ADCY8: variants seen among roughly 807,000 people sequenced by gnomAD.
The protein encoded by ADCY8 is adenylate cyclase 8.
ADCY8 carries 51 observed loss-of-function variants against 119.7 expected under a neutral mutation model. That is an observed-to-expected ratio of 0.43 (90% confidence interval 0.34 to 0.54). The LOEUF is 0.54. Among genes scored for constraint, ADCY8 ranks in the 20% least tolerant of loss-of-function variants. ADCY8 has a pLI of 0.03. For synonymous variants in ADCY8, 665 were observed against 651.0 expected (o/e 1.02, Z -0.33); for missense variants, 1,383 against 1,598.8 (o/e 0.87, Z 2.30).
At chr8:130,978,990 C>T (rs867083980) in intron 2 of ADCY8, among the ~76,000 whole-genome samples, 1 of 152,020 alleles carries the variant, frequency 6.6e-6, no homozygotes, top group Non-Finnish European at 1.5e-5. Flanking sequence ...GTGCCTGAAG[C>T]CTGCTTAGAA....
Position 130,982,532 on chromosome 8 carries a change from G to C in ADCY8, c.1110+7861C>G, listed in dbSNP as rs934867176. The stretch of plus-strand genomic sequence containing the variant: ...AAAACACTCCTGTGGGTTAGGGAAG[G>C]AATTATCATTTCTAATTGAGAGATG... On this transcript the variant is annotated intron_variant, in intron 2 of 17. Coordinates refer to ENST00000286355, the MANE Select transcript of ADCY8 (RefSeq NM_001115.3). Among the ~76,000 whole-genome samples the C allele has an allele frequency of 2.6e-5, 4 of 152,118 alleles. No individual in the cohort carries two copies. The East Asian group carries it at 5.8e-4, about 22-fold the overall frequency.
chr8:130,832,817 A>G (rs1364979684), intron 12 of ADCY8, among the ~76,000 whole-genome samples: 2 of 152,240 alleles, frequency 1.3e-5, no homozygotes, highest in Non-Finnish European at 1.5e-5. Flanking sequence ...ATCAACATAT[A>G]TTGAGTACCT....
At chr8:130,782,135 GT>G (rs1211294379) in intron 17 of ADCY8, among the ~76,000 whole-genome samples, 1 of 152,150 alleles carries the variant, frequency 6.6e-6, no homozygotes, top group African/African-American at 2.4e-5. Flanking sequence ...AGAGAATATG[GT>G]GGGAATAGCC....
intron 9 of ADCY8, among the ~76,000 whole-genome samples, chr8:130,862,303 C>T (rs1817958882): frequency 6.6e-6 from 1 of 152,080 alleles, no homozygotes; most frequent in African/African-American, 2.4e-5. Flanking sequence ...TTTTAGATCT[C>T]TTTTCTTTTA....
chr8:131,025,070 C>T (rs535193381), intron 1 of ADCY8, among the ~76,000 whole-genome samples: 1 of 152,280 alleles, frequency 6.6e-6, no homozygotes, highest in African/African-American at 2.4e-5. Context: ...GAAGCCAAGA[C>T]AGGCTGAGTG....
intron 3 of ADCY8, among the ~76,000 whole-genome samples, chr8:130,946,671 C>G (rs1414690299): frequency 2.6e-5 from 4 of 152,196 alleles, no homozygotes; most frequent in African/African-American, 9.6e-5. Context: ...GAAGTCACCT[C>G]TGCATCCCAC....
chr8:130,881,093 C>T (rs899453991), intron 8 of ADCY8, among the ~76,000 whole-genome samples: 2 of 152,166 alleles, frequency 1.3e-5, no homozygotes, highest in Non-Finnish European at 2.9e-5. Flanking sequence ...CTTTTGTTCT[C>T]TGCTGAAACT....
intron 5 of ADCY8, among the ~76,000 whole-genome samples, chr8:130,912,477 G>A (rs1373683364): frequency 6.6e-6 from 1 of 152,108 alleles, no homozygotes; most frequent in African/African-American, 2.4e-5. Flanking sequence ...TCACAGCCTG[G>A]AGCATCCTGC....
intron 5 of ADCY8, among the ~76,000 whole-genome samples, chr8:130,921,275 G>A (rs1374095069): frequency 6.6e-6 from 1 of 151,804 alleles, no homozygotes; most frequent in Non-Finnish European, 1.5e-5. Context: ...ATTCCAGCAG[G>A]GGTAGCTAAA....
At chr8:131,029,910 A>C (rs931701203) in intron 1 of ADCY8, among the ~76,000 whole-genome samples, 3 of 152,094 alleles carry the variant, frequency 2.0e-5, no homozygotes, top group Non-Finnish European at 4.4e-5. Context: ...GTCATCTACT[A>C]TTCATTCATT....
At chr8:131,037,021 T>C (rs1824176987) in intron 1 of ADCY8, among the ~76,000 whole-genome samples, 2 of 152,156 alleles carry the variant, frequency 1.3e-5, no homozygotes, top group Non-Finnish European at 2.9e-5. Context: ...AATCACAGAT[T>C]CTTATAAAAA....
intron 12 of ADCY8, among the ~76,000 whole-genome samples, chr8:130,831,984 T>A (rs144613418): frequency 1.2e-3 from 190 of 152,328 alleles, no homozygotes; most frequent in African/African-American, 4.4e-3. Context: ...ATAGGGACTA[T>A]TATTATTCCC....
In ADCY8 at chr8:131,039,866, G is replaced by A. The variant is rs749077881; in HGVS notation, c.468C>T (p.Thr156=). ...CCCGAGATTTGAAGGAGTTGCGCAGGGTGGGGAAAATGACCCCTCGGTAGC... is the reference window on the plus strand; with the variant it reads ...CCCGAGATTTGAAGGAGTTGCGCAGAGTGGGGAAAATGACCCCTCGGTAGC... ...GYSYRGVIFP[T]LRNSFKSRDL... The change falls in exon 1 of 18, where the codon ACC becomes ACT. Residue 156 remains threonine, a synonymous_variant. Coordinates refer to ENST00000286355, the MANE Select transcript of ADCY8 (RefSeq NM_001115.3). 1.9e-6 allele frequency: 3 copies of A among 1,613,982 alleles called. No homozygotes were observed. In the African/African-American group the frequency reaches 4.0e-5, roughly 22 times the overall value.
Position 130,874,989 on chromosome 8 carries a change from G to A in ADCY8, c.2110-7043C>T, listed in dbSNP as rs16904386. On this transcript the variant is annotated intron_variant, in intron 8 of 17. Coordinates refer to ENST00000286355, the MANE Select transcript of ADCY8 (RefSeq NM_001115.3). ...AGCGTTACAATTGCTTCAGTGACCA[G>A]GTCAATGGCCTCATAATTCTGTAAT... is the stretch of plus-strand genomic sequence containing the variant. Among the ~76,000 whole-genome samples, 1,368 of 152,206 alleles carry A rather than the reference G, an allele frequency of 9.0e-3. 19 individuals carry two copies. Among genetic ancestry groups the A allele is most frequent in the African/African-American group, 0.032 (1,310 of 41,518 alleles).
chr8:130,788,959 C>A (rs1291953143), intron 15 of ADCY8, among the ~76,000 whole-genome samples: 1 of 151,970 alleles, frequency 6.6e-6, no homozygotes, highest in Admixed American at 6.6e-5. Flanking sequence ...ATATAAAATT[C>A]TGGAAAATGC....
At chr8:130,992,410 T>C (rs1563759080) in intron 1 of ADCY8, among the ~76,000 whole-genome samples, 5 of 32,394 alleles carry the variant, frequency 1.5e-4, no homozygotes, top group African/African-American at 6.0e-4. Flanking sequence ...TATATATATA[T>C]ATATATATAT....
chr8:130,835,478 G>C (rs143065210), intron 12 of ADCY8, among the ~76,000 whole-genome samples: 3 of 152,110 alleles, frequency 2.0e-5, no homozygotes, highest in Non-Finnish European at 2.9e-5. Context: ...GCTTGCATTC[G>C]CCTCTCATCC....
chr8:130,989,648 A>C (rs1822513908), intron 2 of ADCY8, among the ~76,000 whole-genome samples: 1 of 152,318 alleles, frequency 6.6e-6, no homozygotes, highest in Non-Finnish European at 1.5e-5. Flanking sequence ...CTCCTGGAAA[A>C]TTGTGTTCAG....
intron 1 of ADCY8, among the ~76,000 whole-genome samples, chr8:131,025,901 C>G (rs1449613285): frequency 6.6e-6 from 1 of 152,186 alleles, no homozygotes; most frequent in Admixed American, 6.5e-5. Context: ...AAATCATTCA[C>G]TTATTTAGGT....
Sources: gnomAD v4.1 joint callset for allele counts (sites outside exome capture counted in the v4.1 genomes callset) on GRCh38, gnomAD v4.1.1 for gene constraint, MANE v1.5 for transcripts, NCBI Gene and HGNC (gene_info 2026-07-23, HGNC 2026-07-21) for gene names.